The following XIRP2 variants were observed in gnomAD, a reference collection of about 807,000 sequenced individuals.
The protein encoded by XIRP2 is xin actin binding repeat containing 2, also known as xin actin-binding repeat-containing protein 2.
In XIRP2, 236 loss-of-function variants were observed where a neutral mutation model predicts 277.0. The observed-to-expected ratio is 0.85, with a 90% CI of 0.77 to 0.95. The LOEUF (loss-of-function observed/expected upper bound fraction) is 0.95. Among genes scored for constraint, XIRP2 ranks in the 40% least tolerant of loss-of-function variants. The pLI is 0.00. For synonymous variants in XIRP2, 1,490 were observed against 1,416.5 expected (o/e 1.05, Z -1.17); for missense variants, 4,640 against 4,157.5 (o/e 1.12, Z -3.19).
At chr2:167,198,858 A>G (rs1693598726) in intron 3 of XIRP2, among the ~76,000 whole-genome samples, 1 of 152,180 alleles carries the variant, frequency 6.6e-6, no homozygotes, top group Non-Finnish European at 1.5e-5. Context: ...GATCAATTCT[A>G]TCAGTCATTA....
intron 2 of XIRP2, among the ~76,000 whole-genome samples, chr2:167,130,866 A>G (rs1691353582): frequency 6.6e-6 from 1 of 151,628 alleles, no homozygotes; most frequent in Admixed American, 6.6e-5. Context: ...CCAAACTAGA[A>G]CTATGGAGAG....
intron 3 of XIRP2, among the ~76,000 whole-genome samples, chr2:167,179,003 C>A (rs1180419883): frequency 6.6e-6 from 1 of 152,106 alleles, no homozygotes; most frequent in African/African-American, 2.4e-5. Context: ...CTTTTCTCCA[C>A]TCTCGATAGT....
intron 2 of XIRP2, among the ~76,000 whole-genome samples, chr2:166,934,263 A>G (rs1304632607): frequency 1.3e-5 from 2 of 151,202 alleles, no homozygotes; most frequent in East Asian, 2.0e-4. Context: ...GCAAGCTACC[A>G]TAATTATATG....
At chr2:166,905,283 T>C (rs1684488358) in intron 2 of XIRP2, among the ~76,000 whole-genome samples, 1 of 151,984 alleles carries the variant, frequency 6.6e-6, no homozygotes, top group South Asian at 2.1e-4. Flanking sequence ...GACTTTACTG[T>C]AATAATTTTG....
intron 2 of XIRP2, among the ~76,000 whole-genome samples, chr2:167,097,798 C>T (rs1690363875): frequency 6.6e-6 from 1 of 152,148 alleles, no homozygotes. Flanking sequence ...GTTTCTCCTT[C>T]ATTTATGAAG....
At chr2:166,981,570 C>T (rs559682721) in intron 2 of XIRP2, among the ~76,000 whole-genome samples, 2 of 152,036 alleles carry the variant, frequency 1.3e-5, no homozygotes, top group African/African-American at 2.4e-5. Context: ...TACAGGTGCA[C>T]ACTGCCATGC....
chr2:166,934,205 A>C (rs936870114), intron 2 of XIRP2, among the ~76,000 whole-genome samples: 3 of 150,836 alleles, frequency 2.0e-5, no homozygotes, highest in Non-Finnish European at 4.4e-5. Flanking sequence ...CAAAAAAAAA[A>C]AAAAAAAAAC....
chr2:167,098,139 G>A (rs1690374402), intron 2 of XIRP2, among the ~76,000 whole-genome samples: 1 of 152,156 alleles, frequency 6.6e-6, no homozygotes, highest in East Asian at 1.9e-4. Flanking sequence ...ATCCTGAAGT[G>A]TGTTTTCCAA....
intron 3 of XIRP2, among the ~76,000 whole-genome samples, chr2:167,187,062 C>T (rs1044143752): frequency 1.3e-5 from 2 of 152,148 alleles, no homozygotes; most frequent in Admixed American, 6.6e-5. Flanking sequence ...AAAACAAATG[C>T]AAGTAATTCC....
chr2:167,252,049 A>G, intron 9 of XIRP2, 102 bp downstream of exon 9: 1 of 1,475,968 alleles, frequency 6.8e-7, no homozygotes, highest in Non-Finnish European at 8.9e-7. Flanking sequence ...GAAACAACCA[A>G]ACAATATAAC....
intron 5 of XIRP2, among the ~76,000 whole-genome samples, chr2:167,224,969 C>T (rs1253316300): frequency 6.6e-6 from 1 of 152,126 alleles, no homozygotes; most frequent in Non-Finnish European, 1.5e-5. Flanking sequence ...GTGGAGTAAT[C>T]AGTAACTCTA....
chr2:167,133,806 G>C (rs1238459673), intron 2 of XIRP2, among the ~76,000 whole-genome samples: 4 of 152,126 alleles, frequency 2.6e-5, no homozygotes, highest in Admixed American at 2.0e-4. Context: ...ACAGTGGAGA[G>C]GACACCAGAA....
intron 3 of XIRP2, among the ~76,000 whole-genome samples, chr2:167,167,459 GATTTT>G (rs1692558934): frequency 6.6e-6 from 1 of 152,064 alleles, no homozygotes; most frequent in East Asian, 1.9e-4. Flanking sequence ...CATTTAGTGT[GATTTT>G]ATTTTCTCTC....
intron 2 of XIRP2, among the ~76,000 whole-genome samples, chr2:167,055,556 G>T (rs1689018685): frequency 6.6e-6 from 1 of 152,100 alleles, no homozygotes; most frequent in Admixed American, 6.5e-5. Flanking sequence ...CAGATGTGTA[G>T]GCCATTCTTG....
chr2:167,105,522 T>C (rs564878592), intron 2 of XIRP2, among the ~76,000 whole-genome samples: 3 of 152,080 alleles, frequency 2.0e-5, no homozygotes, highest in East Asian at 1.9e-4. Context: ...TTCCATGATA[T>C]AGACATACCA....
chr2:167,135,028 T>C (rs1691503211), intron 2 of XIRP2, among the ~76,000 whole-genome samples: 1 of 152,206 alleles, frequency 6.6e-6, no homozygotes, highest in Non-Finnish European at 1.5e-5. Context: ...AAACCAAACC[T>C]ACAGTTACAG....
chr2:167,222,097 C>T (rs1412797488), intron 5 of XIRP2, among the ~76,000 whole-genome samples: 1 of 152,024 alleles, frequency 6.6e-6, no homozygotes, highest in African/African-American at 2.4e-5. Flanking sequence ...ATTAAAGATC[C>T]CTTCTTTTGC....
At chr2:167,239,543 A>T (rs937627596) in intron 5 of XIRP2, among the ~76,000 whole-genome samples, 2 of 152,206 alleles carry the variant, frequency 1.3e-5, no homozygotes, top group Non-Finnish European at 1.5e-5. Flanking sequence ...GGAAGTGGGC[A>T]GCCTCTAGAA....
At chr2:167,206,625 T>C (rs1341356659) in intron 3 of XIRP2, among the ~76,000 whole-genome samples, 1 of 152,194 alleles carries the variant, frequency 6.6e-6, no homozygotes, top group African/African-American at 2.4e-5. Flanking sequence ...CTTTCCATTT[T>C]GTTCTGCAGA....
Sources: gnomAD v4.1 joint callset for allele counts (sites outside exome capture counted in the v4.1 genomes callset) on GRCh38, gnomAD v4.1.1 for gene constraint, MANE v1.5 for transcripts, NCBI Gene and HGNC (gene_info 2026-07-23, HGNC 2026-07-21) for gene names.